Variants in RSU1 observed in about 807,000 individuals in gnomAD.
The protein encoded by RSU1 is Ras suppressor protein 1, also known as rsu-1.
Under a neutral mutation model 31.1 loss-of-function variants are expected in RSU1, and 26 were observed. The observed-to-expected ratio is 0.84, with a 90% CI of 0.61 to 1.16. The LOEUF (loss-of-function observed/expected upper bound fraction) is 1.16. Ranked by LOEUF, RSU1 falls within the 50% of genes most tolerant of loss-of-function variation. The pLI is 0.00. For synonymous variants in RSU1, 164 were observed against 136.3 expected, an observed-to-expected ratio of 1.20 and a Z score of -1.41; for missense variants, 320 against 339.1, an observed-to-expected ratio of 0.94 and a Z score of 0.44.
chr10:16,764,893 C>CT (rs1837282435), intron 3 of RSU1, among the ~76,000 whole-genome samples: 1 of 147,700 alleles, frequency 6.8e-6, no homozygotes, highest in Admixed American at 6.7e-5. Context: ...TTTTTTTTTC[C>CT]TTTTGGTTTT....
chr10:16,693,429 G>A (rs1422938101), intron 8 of RSU1, among the ~76,000 whole-genome samples: 1 of 151,954 alleles, frequency 6.6e-6, no homozygotes, highest in Non-Finnish European at 1.5e-5. Context: ...CCACTGGCCT[G>A]GCACAGATTC....
At chr10:16,674,324 T>C (rs1372719207) in intron 8 of RSU1, among the ~76,000 whole-genome samples, 11 of 150,724 alleles carry the variant, frequency 7.3e-5, no homozygotes, top group Non-Finnish European at 2.9e-5. Flanking sequence ...GTGGCAGTAA[T>C]AATATGAAAT....
At chr10:16,673,531 C>T (rs1835160182) in intron 8 of RSU1, among the ~76,000 whole-genome samples, 2 of 152,166 alleles carry the variant, frequency 1.3e-5, no homozygotes, top group South Asian at 4.1e-4. Context: ...AAAATTTAAG[C>T]TCAAATGGAG....
At chr10:16,746,220 T>C (rs966779512) in intron 7 of RSU1, among the ~76,000 whole-genome samples, 1 of 152,182 alleles carries the variant, frequency 6.6e-6, no homozygotes, top group Admixed American at 6.5e-5. Context: ...ATAGTTACTG[T>C]AGTAAAAAAT....
chr10:16,606,275 G>T (rs1206031855), intron 8 of RSU1, among the ~76,000 whole-genome samples: 4 of 152,050 alleles, frequency 2.6e-5, no homozygotes. Flanking sequence ...ATTTATAAGA[G>T]AATTTGGTTA....
chr10:16,799,099 G>A (rs537943795), intron 2 of RSU1, among the ~76,000 whole-genome samples: 4 of 152,168 alleles, frequency 2.6e-5, no homozygotes, highest in Non-Finnish European at 2.9e-5. Context: ...CTAAGACTAC[G>A]TGAGGGCTAA....
intron 8 of RSU1, among the ~76,000 whole-genome samples, chr10:16,607,375 C>T (rs1480292585): frequency 1.3e-5 from 2 of 152,142 alleles, no homozygotes; most frequent in Admixed American, 6.5e-5. Context: ...TGGACTAATA[C>T]ACCATGTCAG....
intron 7 of RSU1, among the ~76,000 whole-genome samples, chr10:16,714,905 T>C (rs182830686): frequency 9.2e-5 from 14 of 152,232 alleles, no homozygotes; most frequent in South Asian, 4.2e-4. Context: ...CCAAACTGGA[T>C]TGGGGGCCTG....
chr10:16,666,787 A>G (rs1834997088), intron 8 of RSU1, among the ~76,000 whole-genome samples: 1 of 152,246 alleles, frequency 6.6e-6, no homozygotes, highest in Non-Finnish European at 1.5e-5. Context: ...CAGGAGTTCA[A>G]GACCAGCCTG....
intron 7 of RSU1, among the ~76,000 whole-genome samples, chr10:16,703,290 G>T (rs932771660): frequency 6.6e-6 from 1 of 152,164 alleles, no homozygotes; most frequent in Non-Finnish European, 1.5e-5. Context: ...ATACAGCAGC[G>T]TTGGTTGTGT....
chr10:16,805,581 CAGG>C lies in RSU1; in HGVS notation c.109+11389_109+11391del, dbSNP rs568692181. 3.8e-3 allele frequency among the ~76,000 whole-genome samples: 550 copies of C among 145,190 alleles called. 1 individual carries two copies. Among genetic ancestry groups the C allele is most frequent in the Admixed American group, 7.6e-3 (107 of 14,018 alleles). ...ATCCCAGTTACTCGGGAGGCTGAGG[CAGG>C]AGAATGGCGTGAACCCGGGAGGCGG... is the stretch of plus-strand genomic sequence containing the variant. On this transcript the variant is annotated intron_variant, in intron 2 of 8. Transcript: ENST00000345264.
chr10:16,654,481 G>A (rs186972743), intron 8 of RSU1, among the ~76,000 whole-genome samples: 1 of 150,980 alleles, frequency 6.6e-6, no homozygotes, highest in Non-Finnish European at 1.5e-5. Flanking sequence ...ACCAGCCCGA[G>A]CAACATGGTG....
chr10:16,743,631 T>C (rs780618257), intron 7 of RSU1, among the ~76,000 whole-genome samples: 3 of 152,218 alleles, frequency 2.0e-5, no homozygotes, highest in Non-Finnish European at 4.4e-5. Flanking sequence ...CTGCTCTATC[T>C]ATTAAGCTAG....
chr10:16,705,027 C>T (rs190974056), intron 7 of RSU1, among the ~76,000 whole-genome samples: 25 of 152,242 alleles, frequency 1.6e-4, no homozygotes, highest in Admixed American at 1.6e-3. Context: ...AATAACTCCC[C>T]ATTTCTCCTT....
At chr10:16,604,686 C>T (rs1344448084) in intron 8 of RSU1, among the ~76,000 whole-genome samples, 1 of 152,076 alleles carries the variant, frequency 6.6e-6, no homozygotes, top group African/African-American at 2.4e-5. Context: ...GAAACAAGGC[C>T]CAGAGTTTAA....
intron 3 of RSU1, among the ~76,000 whole-genome samples, chr10:16,769,069 T>TC (rs768277522): frequency 7.2e-5 from 11 of 152,142 alleles, no homozygotes; most frequent in Non-Finnish European, 1.2e-4. Flanking sequence ...ATCAATCAGC[T>TC]CAAGAATAGG....
intron 7 of RSU1, among the ~76,000 whole-genome samples, chr10:16,718,500 T>C (rs1049332281): frequency 6.6e-6 from 1 of 152,160 alleles, no homozygotes. Context: ...TAGTCTGACA[T>C]CAACAAATGT....
chr10:16,721,234 G>A (rs1324786557), intron 7 of RSU1: 2 of 152,268 alleles, frequency 1.3e-5, no homozygotes, highest in African/African-American at 4.8e-5. Context: ...TGACTTTCTG[G>A]AGGAGATGCT....
chr10:16,603,065 C>T (rs1034983212), intron 8 of RSU1, among the ~76,000 whole-genome samples: 3 of 152,096 alleles, frequency 2.0e-5, no homozygotes, highest in African/African-American at 7.2e-5. Context: ...GAGATCAAAC[C>T]TCCAAGAGAT....
Sources: gnomAD v4.1 joint callset for allele counts (sites outside exome capture counted in the v4.1 genomes callset) on GRCh38, gnomAD v4.1.1 for gene constraint, MANE v1.5 for transcripts, NCBI Gene and HGNC (gene_info 2026-07-23, HGNC 2026-07-21) for gene names.